The following HPGDS variants were observed in gnomAD, a reference collection of about 807,000 sequenced individuals.
HPGDS encodes GST class-sigma.
In HPGDS, 26 loss-of-function variants were observed where a neutral mutation model predicts 23.1. The observed-to-expected ratio is 1.13, with a 90% confidence interval of 0.83 to 1.56. HPGDS has a LOEUF of 1.56. Among genes scored for constraint, HPGDS ranks in the 40% most tolerant of loss-of-function variants. HPGDS has a pLI of 0.00. For synonymous variants in HPGDS, 95 were observed against 77.9 expected (o/e 1.22, Z -1.16); for missense variants, 268 against 236.4 (o/e 1.13, Z -0.88).
chr4:94,329,279 T>C (rs1756692280), intron 2 of HPGDS, among the ~76,000 whole-genome samples: 1 of 152,168 alleles, frequency 6.6e-6, no homozygotes, highest in Admixed American at 6.5e-5. Context: ...GTTATATAAA[T>C]TGCCCTGGTC....
At chr4:94,313,038 C>A (rs1294968003) in intron 3 of HPGDS, among the ~76,000 whole-genome samples, 4 of 151,964 alleles carry the variant, frequency 2.6e-5, no homozygotes, top group African/African-American at 9.7e-5. Flanking sequence ...TGTCTCTGCA[C>A]GTGAGATGGG....
chr4:94,320,707 C>T (rs1034024397), intron 2 of HPGDS, among the ~76,000 whole-genome samples: 15 of 152,118 alleles, frequency 9.9e-5, no homozygotes, highest in African/African-American at 1.7e-4. Flanking sequence ...TCCCATTCTG[C>T]AGGTTGCCTG....
At chr4:94,325,633 T>C (rs1756615462) in intron 2 of HPGDS, among the ~76,000 whole-genome samples, 1 of 152,176 alleles carries the variant, frequency 6.6e-6, no homozygotes, top group Non-Finnish European at 1.5e-5. Flanking sequence ...GCTAAGACCA[T>C]TGGAAAAATG....
intron 2 of HPGDS, among the ~76,000 whole-genome samples, chr4:94,325,050 G>A (rs550212036): frequency 6.6e-6 from 1 of 152,186 alleles, no homozygotes; most frequent in African/African-American, 2.4e-5. Flanking sequence ...TTTGCTGGAG[G>A]TCCACTCCAG....
chr4:94,315,743 G>C (rs1756384415), intron 3 of HPGDS, among the ~76,000 whole-genome samples: 1 of 152,172 alleles, frequency 6.6e-6, no homozygotes, highest in South Asian at 2.1e-4. Context: ...GAGTTCCTCT[G>C]TAAACTATAT....
chr4:94,310,594 C>A (rs1474851626), intron 3 of HPGDS, among the ~76,000 whole-genome samples: 2 of 152,114 alleles, frequency 1.3e-5, no homozygotes, highest in Non-Finnish European at 2.9e-5. Context: ...GTTCTTTTTG[C>A]TTAGGATTGA....
intron 2 of HPGDS, among the ~76,000 whole-genome samples, chr4:94,318,731 G>C (rs1406387689): frequency 6.6e-6 from 1 of 151,980 alleles, no homozygotes; most frequent in Admixed American, 6.6e-5. Context: ...AATTTTTTTT[G>C]AGGTGGAGTC....
At chr4:94,323,324 C>G (rs997352615) in intron 2 of HPGDS, among the ~76,000 whole-genome samples, 1 of 151,994 alleles carries the variant, frequency 6.6e-6, no homozygotes, top group African/African-American at 2.4e-5. Flanking sequence ...CATTGTTAAC[C>G]TTCTTTCTCA....
chr4:94,301,724 T>C, intron 5 of HPGDS, among the ~76,000 whole-genome samples: 1 of 152,152 alleles, frequency 6.6e-6, no homozygotes, highest in South Asian at 2.1e-4. Context: ...CCACCAACAA[T>C]ATGATTACTG....
chr4:94,336,783 C>T (rs774926102), intron 1 of HPGDS, among the ~76,000 whole-genome samples: 3 of 151,730 alleles, frequency 2.0e-5, no homozygotes, highest in African/African-American at 4.8e-5. Context: ...TCTAAGAGCA[C>T]GAAAATAGTA....
intron 3 of HPGDS, among the ~76,000 whole-genome samples, chr4:94,310,883 A>G (rs1156291423): frequency 6.6e-6 from 1 of 152,108 alleles, no homozygotes. Flanking sequence ...TAGGTATTTT[A>G]TTCTCTTTGA....
intron 1 of HPGDS, among the ~76,000 whole-genome samples, chr4:94,340,406 T>C (rs1721135680): frequency 7.7e-6 from 1 of 129,702 alleles, no homozygotes; most frequent in South Asian, 2.8e-4. Flanking sequence ...TGGCGTGATC[T>C]CCACTCACTG....
chr4:94,340,309 CTCT>C (rs1721123204), intron 1 of HPGDS, among the ~76,000 whole-genome samples: 13 of 28,788 alleles, frequency 4.5e-4, no homozygotes, highest in East Asian at 3.5e-3. Context: ...TTCTTTCTTT[CTCT>C]TTTTTTTTTT....
At chr4:94,301,970 A>G (rs539824241) in intron 5 of HPGDS, among the ~76,000 whole-genome samples, 176 bp downstream of exon 5, 1 of 152,272 alleles carries the variant, frequency 6.6e-6, no homozygotes, top group Admixed American at 6.5e-5. Flanking sequence ...TATATAAAAT[A>G]TGGTTCCAAA....
At chr4:94,312,602 G>A (rs905302715) in intron 3 of HPGDS, among the ~76,000 whole-genome samples, 1 of 152,150 alleles carries the variant, frequency 6.6e-6, no homozygotes, top group African/African-American at 2.4e-5. Flanking sequence ...GTGCTGAGAA[G>A]AATGTATATT....
At position 94,303,455 on chromosome 4, in the gene HPGDS, G is replaced by T. The variant is rs1756082398; in HGVS notation, c.337-1211C>A. ...TCTGGTCCCAAGAATTTCAGATAAGGGATACTCAACATGTACTTACATATG... is the reference window on the plus strand; with the variant it reads ...TCTGGTCCCAAGAATTTCAGATAAGTGATACTCAACATGTACTTACATATG... On this transcript the variant is annotated intron_variant, in intron 4 of 5. Coordinates refer to ENST00000295256, the MANE Select transcript of HPGDS (RefSeq NM_014485.3). Among the ~76,000 whole-genome samples, 5 of 151,908 alleles carry T rather than the reference G, an allele frequency of 3.3e-5. No homozygotes were observed. The South Asian group carries it at 1.0e-3, about 32-fold the overall frequency.
At chr4:94,319,739 C>T (rs1038646919) in intron 2 of HPGDS, among the ~76,000 whole-genome samples, 4 of 152,038 alleles carry the variant, frequency 2.6e-5, no homozygotes, top group Non-Finnish European at 5.9e-5. Context: ...TCAGTTTTTG[C>T]TTGTGTGAGA....
Position 94,299,477 on chromosome 4 carries a change from C to G in HPGDS, c.*3G>C, listed in dbSNP as rs773796379. Reference sequence around the variant, plus strand: ...AAACAAACTTGAAGGCAACATGGATCAGCTAGAGTTTGGTTTGGGGCCTTC... The same window carrying G: ...AAACAAACTTGAAGGCAACATGGATGAGCTAGAGTTTGGTTTGGGGCCTTC... On this transcript the variant is annotated 3_prime_UTR_variant, in exon 6 of 6. Coordinates refer to ENST00000295256, the MANE Select transcript of HPGDS (RefSeq NM_014485.3). The G allele has an allele frequency of 6.2e-7, 1 of 1,601,810 alleles. No homozygotes were observed. The highest frequency in any genetic ancestry group is 2.2e-5 in the East Asian group (1 of 44,580).
intron 5 of HPGDS, among the ~76,000 whole-genome samples, chr4:94,301,079 G>C (rs1756031849): frequency 6.6e-6 from 1 of 152,136 alleles, no homozygotes. Context: ...GCTATGAGGG[G>C]AGTCAGAAGA....
Sources: gnomAD v4.1 joint callset for allele counts (sites outside exome capture counted in the v4.1 genomes callset) on GRCh38, gnomAD v4.1.1 for gene constraint, MANE v1.5 for transcripts, NCBI Gene and HGNC (gene_info 2026-07-23, HGNC 2026-07-21) for gene names.